MRTFA: variants seen among roughly 807,000 people sequenced by gnomAD.
MRTFA encodes myocardin related transcription factor A.
Under a neutral mutation model 83.5 loss-of-function variants are expected in MRTFA, and 20 were observed. The ratio of observed to expected loss-of-function variants is 0.24; its 90% CI spans 0.17 to 0.35. The LOEUF (loss-of-function observed/expected upper bound fraction) is 0.35, where lower values mean the gene tolerates loss of function less well. MRTFA is among the 10% of genes least tolerant of loss of function. The pLI, the probability that MRTFA is intolerant of heterozygous loss-of-function variation, is 1.00. For synonymous variants in MRTFA, 659 were observed against 541.2 expected (o/e 1.22, Z -3.02); for missense variants, 1,200 against 1,224.7 (o/e 0.98, Z 0.30).
At chr22:40,557,549 T>TC (rs2147321602) in intron 2 of MRTFA, among the ~76,000 whole-genome samples, 1 of 152,184 alleles carries the variant, frequency 6.6e-6, no homozygotes, top group South Asian at 2.1e-4. Flanking sequence ...GGTGGGAGGA[T>TC]CGCTAGAGCC....
intron 1 of MRTFA, among the ~76,000 whole-genome samples, chr22:40,626,472 T>C (rs1183125763): frequency 2.0e-5 from 3 of 152,114 alleles, no homozygotes; most frequent in African/African-American, 7.2e-5. Context: ...TTTGTATTTT[T>C]TGTAGAGACG....
chr22:40,460,547 C>T (rs2053692363), intron 4 of MRTFA, among the ~76,000 whole-genome samples: 1 of 152,218 alleles, frequency 6.6e-6, no homozygotes, highest in South Asian at 2.1e-4. Flanking sequence ...AGATACCATG[C>T]CTCTTACTTC....
At chr22:40,461,600 C>A (rs1218234528) in intron 4 of MRTFA, among the ~76,000 whole-genome samples, 1 of 136,448 alleles carries the variant, frequency 7.3e-6, no homozygotes, top group African/African-American at 2.8e-5. Flanking sequence ...CTGGCTCATA[C>A]GGTGAAACCC....
chr22:40,485,416 G>A (rs746512503), intron 3 of MRTFA, among the ~76,000 whole-genome samples: 1 of 152,134 alleles, frequency 6.6e-6, no homozygotes, highest in Non-Finnish European at 1.5e-5. Context: ...GGCAACAGCT[G>A]GGGATCATTA....
intron 3 of MRTFA, among the ~76,000 whole-genome samples, chr22:40,513,009 G>T (rs1394343378): frequency 1.3e-5 from 2 of 152,158 alleles, no homozygotes; most frequent in Non-Finnish European, 2.9e-5. Flanking sequence ...AGACAATTTA[G>T]AAAGCTTAAA....
intron 9 of MRTFA, among the ~76,000 whole-genome samples, chr22:40,421,562 C>T (rs977811460): frequency 6.6e-6 from 1 of 152,258 alleles, no homozygotes; most frequent in South Asian, 2.1e-4. Flanking sequence ...AAATGGTGAA[C>T]GGGCTCAAAG....
intron 4 of MRTFA, among the ~76,000 whole-genome samples, chr22:40,454,082 AG>A (rs554563974): frequency 5.5e-4 from 84 of 152,356 alleles, no homozygotes; most frequent in South Asian, 1.2e-3. Flanking sequence ...ATCCACTGAT[AG>A]GAAAGAAAGT....
intron 1 of MRTFA, among the ~76,000 whole-genome samples, chr22:40,625,615 T>C (rs1468174064): frequency 1.3e-5 from 2 of 151,966 alleles, no homozygotes; most frequent in African/African-American, 2.4e-5. Flanking sequence ...CTATCTCTAC[T>C]AAAAACACAA....
chr22:40,486,185 G>A (rs1366144956), intron 3 of MRTFA, among the ~76,000 whole-genome samples: 1 of 152,138 alleles, frequency 6.6e-6, no homozygotes, highest in Admixed American at 6.5e-5. Flanking sequence ...TTGTTAGGCT[G>A]TCTATTCAAT....
chr22:40,451,202 T>C (rs1244516351), intron 4 of MRTFA, among the ~76,000 whole-genome samples: 2 of 152,178 alleles, frequency 1.3e-5, no homozygotes, highest in African/African-American at 4.8e-5. Flanking sequence ...TGTTTTTAGC[T>C]GACACACTAA....
intron 2 of MRTFA, among the ~76,000 whole-genome samples, chr22:40,584,340 C>G (rs1022464309): frequency 1.3e-5 from 2 of 152,238 alleles, no homozygotes; most frequent in Admixed American, 6.5e-5. Context: ...CCAAGTCAGC[C>G]TTTCCATACA....
intron 2 of MRTFA, among the ~76,000 whole-genome samples, chr22:40,591,430 TAATA>T (rs2056120248): frequency 6.6e-6 from 1 of 152,000 alleles, no homozygotes; most frequent in Admixed American, 6.6e-5. Flanking sequence ...AATAAGAAAC[TAATA>T]TATAAAGAAG....
In MRTFA at chr22:40,614,574, G is replaced by C. The variant is rs549120224; in HGVS notation, c.-83-19839C>G. ...GCGATCTCGGCTCACTGCAACCTAC[G>C]CATCCTGGGTTCAAGGGATTCTCCT... On this transcript the variant is annotated intron_variant, in intron 1 of 14. Coordinates refer to ENST00000355630, the MANE Select transcript of MRTFA (RefSeq NM_020831.6). Among the ~76,000 whole-genome samples, 5 of 152,170 alleles carry C rather than the reference G, an allele frequency of 3.3e-5. No homozygotes were observed. In the East Asian group the frequency reaches 9.7e-4, roughly 29 times the overall value.
intron 1 of MRTFA, among the ~76,000 whole-genome samples, chr22:40,623,414 G>A (rs2056546410): frequency 6.6e-6 from 1 of 151,880 alleles, no homozygotes. Context: ...CTGGTGCACT[G>A]CACCCACTAA....
At chr22:40,447,418 T>G (rs1462669632) in intron 4 of MRTFA, among the ~76,000 whole-genome samples, 1 of 151,604 alleles carries the variant, frequency 6.6e-6, no homozygotes, top group Non-Finnish European at 1.5e-5. Context: ...GAGTGAGCCC[T>G]GCAGTCCTCT....
At chr22:40,618,336 C>T (rs184472164) in intron 1 of MRTFA, among the ~76,000 whole-genome samples, 4 of 150,738 alleles carry the variant, frequency 2.7e-5, no homozygotes, top group East Asian at 2.0e-4. Flanking sequence ...GTGACCCACT[C>T]GCCTCGGCCT....
intron 10 of MRTFA, 89 bp downstream of exon 10, chr22:40,420,758 G>T: frequency 6.3e-7 from 1 of 1,577,386 alleles, no homozygotes; most frequent in Non-Finnish European, 8.6e-7. Flanking sequence ...CCTTAAAGAT[G>T]TGAGGTTCAC....
At chr22:40,465,723 G>T (rs1370183945) in intron 3 of MRTFA, among the ~76,000 whole-genome samples, 1 of 150,610 alleles carries the variant, frequency 6.6e-6, no homozygotes, top group Non-Finnish European at 1.5e-5. Flanking sequence ...ACCATGCCCG[G>T]TAATTTTTTA....
intron 2 of MRTFA, among the ~76,000 whole-genome samples, chr22:40,576,558 G>A (rs935137034): frequency 2.0e-5 from 3 of 152,006 alleles, no homozygotes; most frequent in African/African-American, 7.2e-5. Flanking sequence ...CATAAGTCTG[G>A]AATTCCTTAG....
Sources: allele counts gnomAD v4.1 joint callset (sites outside exome capture counted in the v4.1 genomes callset), GRCh38; gene constraint gnomAD v4.1.1; transcripts MANE v1.5; gene names NCBI Gene and HGNC (gene_info 2026-07-23, HGNC 2026-07-21).